FOXP1: variants seen among roughly 807,000 people sequenced by gnomAD.
The protein encoded by FOXP1 is forkhead box protein P1.
Under a neutral mutation model 98.2 loss-of-function variants are expected in FOXP1, and 15 were observed. The observed-to-expected ratio is 0.15, with a 90% confidence interval of 0.10 to 0.24. The LOEUF (loss-of-function observed/expected upper bound fraction) is 0.24. Among genes scored for constraint, FOXP1 ranks in the 10% least tolerant of loss-of-function variants. The pLI, the probability that FOXP1 is intolerant of heterozygous loss-of-function variation, is 1.00. For synonymous variants in FOXP1, 371 were observed against 314.5 expected, an observed-to-expected ratio of 1.18 and a Z score of -1.90; for missense variants, 633 against 848.5, an observed-to-expected ratio of 0.75 and a Z score of 3.15.
intron 2 of FOXP1, chr3:71,542,157 T>A (rs1441574120): frequency 2.4e-6 from 1 of 418,978 alleles, no homozygotes; most frequent in Non-Finnish European, 4.8e-6. Flanking sequence ...AACATTTTCC[T>A]CTGTGAAAAA....
intron 5 of FOXP1, among the ~76,000 whole-genome samples, chr3:71,232,933 CAAT>C (rs1303943318): frequency 7.6e-6 from 1 of 130,722 alleles, no homozygotes; most frequent in Non-Finnish European, 1.6e-5. Context: ...TGGTTCTCTA[CAAT>C]ACTACTACCA....
chr3:71,312,683 T>G (rs114571984), intron 4 of FOXP1, among the ~76,000 whole-genome samples: 1 of 152,168 alleles, frequency 6.6e-6, no homozygotes, highest in Non-Finnish European at 1.5e-5. Flanking sequence ...AGTGAGACAC[T>G]GTTTAATAAT....
intron 2 of FOXP1, among the ~76,000 whole-genome samples, chr3:71,539,878 T>C (rs2044649739): frequency 6.6e-6 from 1 of 152,202 alleles, no homozygotes; most frequent in African/African-American, 2.4e-5. Flanking sequence ...GGAGATACTA[T>C]ATGTCAAGAT....
intron 5 of FOXP1, among the ~76,000 whole-genome samples, chr3:71,286,420 T>C (rs894055113): frequency 6.6e-6 from 1 of 151,146 alleles, no homozygotes; most frequent in Admixed American, 6.7e-5. Flanking sequence ...CACTGAGGTA[T>C]AGCAAAGAAG....
chr3:70,999,155 C>T (rs1386497171), intron 13 of FOXP1, among the ~76,000 whole-genome samples: 1 of 151,964 alleles, frequency 6.6e-6, no homozygotes, highest in Admixed American at 6.5e-5. Flanking sequence ...AGTGGCGCGA[C>T]CTTGGCTCAC....
chr3:71,565,838 T>C (rs2046870002), intron 2 of FOXP1, among the ~76,000 whole-genome samples: 2 of 152,072 alleles, frequency 1.3e-5, no homozygotes, highest in Non-Finnish European at 2.9e-5. Context: ...TGTCCAAAAA[T>C]AAGGTAGGGG....
At chr3:71,057,408 C>G (rs2050829446) in intron 7 of FOXP1, among the ~76,000 whole-genome samples, 1 of 126,514 alleles carries the variant, frequency 7.9e-6, no homozygotes, top group Non-Finnish European at 1.6e-5. Flanking sequence ...GGGTTCATGC[C>G]TTAACTGGGA....
At chr3:71,109,844 TAC>T (rs147636557) in intron 7 of FOXP1, among the ~76,000 whole-genome samples, 4 of 151,262 alleles carry the variant, frequency 2.6e-5, no homozygotes, top group Non-Finnish European at 5.9e-5. Context: ...TCGTCTGTGA[TAC>T]ACACACACAC....
intron 10 of FOXP1, among the ~76,000 whole-genome samples, chr3:71,044,521 C>T (rs1286114511): frequency 6.6e-6 from 1 of 152,018 alleles, no homozygotes; most frequent in Non-Finnish European, 1.5e-5. Context: ...ATAAAACCTT[C>T]AGGGAAAAAA....
chr3:71,373,405 T>G (rs1421185121), intron 3 of FOXP1, among the ~76,000 whole-genome samples: 1 of 152,134 alleles, frequency 6.6e-6, no homozygotes, highest in African/African-American at 2.4e-5. Flanking sequence ...GGAAACCAAA[T>G]GACATGAGTT....
At chr3:71,108,670 C>G (rs2057650722) in intron 7 of FOXP1, among the ~76,000 whole-genome samples, 1 of 152,078 alleles carries the variant, frequency 6.6e-6, no homozygotes, top group Admixed American at 6.6e-5. Context: ...GGAGGCTAAG[C>G]AGGAGAATCG....
At chr3:70,967,006 T>C (rs149198801) in intron 19 of FOXP1, among the ~76,000 whole-genome samples, 118 of 152,326 alleles carry the variant, frequency 7.7e-4, no homozygotes, top group Non-Finnish European at 1.5e-3. Context: ...TGACTTTTCA[T>C]TTCATTAAAG....
At position 71,037,670 on chromosome 3, in the gene FOXP1, T is replaced by C. The variant is rs535258239; in HGVS notation, c.869+3658A>G. On this transcript the variant is annotated intron_variant, in intron 11 of 20. Transcript: ENST00000649528. ...ATTGCACCAATGAATTTATATACAA[T>C]CAGCACAATAAACATTATTAAATTG... Among the ~76,000 whole-genome samples the C allele has an allele frequency of 7.0e-4, 107 of 152,282 alleles. 1 individual carries two copies. Among genetic ancestry groups the C allele is most frequent in the Middle Eastern group, 3.4e-3 (1 of 294 alleles).
chr3:71,247,183 T>C (rs1450343325), intron 5 of FOXP1, among the ~76,000 whole-genome samples: 1 of 152,222 alleles, frequency 6.6e-6, no homozygotes, highest in Non-Finnish European at 1.5e-5. Context: ...ATTTTCATTA[T>C]GTATTATTCC....
intron 6 of FOXP1, among the ~76,000 whole-genome samples, chr3:71,114,364 T>G (rs772603228): frequency 6.6e-6 from 1 of 152,238 alleles, no homozygotes; most frequent in African/African-American, 2.4e-5. Context: ...TTAATGTTCA[T>G]GAGCAGACAC....
intron 4 of FOXP1, among the ~76,000 whole-genome samples, chr3:71,352,942 A>T (rs2077896396): frequency 6.6e-6 from 1 of 152,178 alleles, no homozygotes; most frequent in Non-Finnish European, 1.5e-5. Flanking sequence ...GTAGAATCCC[A>T]AAGAAACTGC....
At chr3:71,351,392 C>T (rs1323590082) in intron 4 of FOXP1, among the ~76,000 whole-genome samples, 1 of 152,202 alleles carries the variant, frequency 6.6e-6, no homozygotes, top group Non-Finnish European at 1.5e-5. Flanking sequence ...GGGCTGTCTG[C>T]TCTTTGTGTT....
intron 5 of FOXP1, among the ~76,000 whole-genome samples, chr3:71,291,143 C>G (rs970772758): frequency 6.6e-6 from 1 of 152,112 alleles, no homozygotes; most frequent in Non-Finnish European, 1.5e-5. Context: ...GCTGGTTGTC[C>G]ACTCCCTCTA....
At chr3:71,573,233 G>A (rs1407981827) in intron 2 of FOXP1, among the ~76,000 whole-genome samples, 1 of 152,130 alleles carries the variant, frequency 6.6e-6, no homozygotes, top group African/African-American at 2.4e-5. Context: ...TTTTTGAGTT[G>A]ACATAAATAC....
Sources: allele counts gnomAD v4.1 joint callset (sites outside exome capture counted in the v4.1 genomes callset), GRCh38; gene constraint gnomAD v4.1.1; transcripts MANE v1.5; gene names NCBI Gene and HGNC (gene_info 2026-07-23, HGNC 2026-07-21).